Variants in DENND5B observed in about 807,000 individuals in gnomAD.
The protein encoded by DENND5B is DENN domain containing 5B.
In DENND5B, 34 loss-of-function variants were observed where a neutral mutation model predicts 140.6. That is an observed-to-expected ratio of 0.24 (90% CI 0.18 to 0.32). The LOEUF is 0.32. Among genes scored for constraint, DENND5B ranks in the 10% least tolerant of loss-of-function variants. The pLI is 1.00. For synonymous variants in DENND5B, 551 were observed against 562.1 expected, an observed-to-expected ratio of 0.98 and a Z score of 0.28; for missense variants, 1,142 against 1,560.2, an observed-to-expected ratio of 0.73 and a Z score of 4.52.
At chr12:31,409,143 A>G (rs1191890174) in intron 14 of DENND5B, 120 bp downstream of exon 14, 2 of 1,106,950 alleles carry the variant, frequency 1.8e-6, no homozygotes, top group African/African-American at 3.2e-5. Flanking sequence ...TCCTAAACAG[A>G]GACCTGGGCG....
At chr12:31,518,787 T>C (rs1201956124) in intron 1 of DENND5B, among the ~76,000 whole-genome samples, 1 of 152,086 alleles carries the variant, frequency 6.6e-6, no homozygotes. Flanking sequence ...TTTAACCTCA[T>C]CTTGGTAAAC....
intron 1 of DENND5B, among the ~76,000 whole-genome samples, chr12:31,552,226 G>C (rs1438441167): frequency 6.6e-6 from 1 of 152,096 alleles, no homozygotes; most frequent in Non-Finnish European, 1.5e-5. Context: ...TTATTATTTT[G>C]AGATACGTCC....
intron 2 of DENND5B, among the ~76,000 whole-genome samples, chr12:31,484,188 C>T (rs562883323): frequency 4.1e-4 from 62 of 152,178 alleles, no homozygotes; most frequent in Admixed American, 3.6e-3. Context: ...CAAAATGGGT[C>T]GTAAAGCAGT....
At chr12:31,422,216 G>A (rs1049959150) in intron 11 of DENND5B, among the ~76,000 whole-genome samples, 2 of 148,582 alleles carry the variant, frequency 1.3e-5, no homozygotes, top group Non-Finnish European at 3.0e-5. Flanking sequence ...TTAGGAAATC[G>A]AGACCATCCT....
At chr12:31,512,783 T>C (rs1947480130) in intron 1 of DENND5B, among the ~76,000 whole-genome samples, 1 of 152,212 alleles carries the variant, frequency 6.6e-6, no homozygotes, top group South Asian at 2.1e-4. Flanking sequence ...ATTTAATTTT[T>C]AGAATGGTTT....
chr12:31,403,226 AACCACAACT>A (rs1316986569), intron 14 of DENND5B, among the ~76,000 whole-genome samples: 1 of 152,168 alleles, frequency 6.6e-6, no homozygotes, highest in Non-Finnish European at 1.5e-5. Flanking sequence ...GAAGTCTATA[AACCACAACT>A]TTGAAAGCTA....
At chr12:31,411,422 G>A (rs1254152314) in intron 13 of DENND5B, among the ~76,000 whole-genome samples, 1 of 139,372 alleles carries the variant, frequency 7.2e-6, no homozygotes, top group East Asian at 2.2e-4. Flanking sequence ...TCGGCTCACT[G>A]CAACTTCCGC....
chr12:31,411,037 T>C (rs1264968885), intron 13 of DENND5B, among the ~76,000 whole-genome samples: 3 of 141,684 alleles, frequency 2.1e-5, no homozygotes, highest in Non-Finnish European at 3.1e-5. Context: ...TGAGCATAAA[T>C]CACTTTTTTT....
At chr12:31,423,115 AT>A (rs1195671200) in intron 11 of DENND5B, among the ~76,000 whole-genome samples, 1 of 151,692 alleles carries the variant, frequency 6.6e-6, no homozygotes, top group Non-Finnish European at 1.5e-5. Flanking sequence ...TAATTTTTGC[AT>A]TTTTTGTAGA....
At chr12:31,540,946 A>G in intron 1 of DENND5B, 2 of 444,244 alleles carry the variant, frequency 4.5e-6, no homozygotes, top group South Asian at 1.6e-5. Context: ...GAGAACATAC[A>G]ATGGAGAAAG....
rs1001816231 is a variant in DENND5B, at chr12:31,512,327, C to T, written c.128-16408G>A. 4.0e-5 allele frequency among the ~76,000 whole-genome samples: 6 copies of T among 151,852 alleles called. No homozygotes were observed. In the East Asian group the frequency reaches 1.2e-3, roughly 29 times the overall value. ...CTCATGGGCTTGTCAAGCGACCCTC[C>T]CACCTCAGCCTCCAGAGTAGCTGGG... On this transcript the variant is annotated intron_variant, in intron 1 of 20. Transcript: ENST00000389082.
intron 11 of DENND5B, chr12:31,420,169 C>G (rs1186703119): frequency 1.5e-6 from 1 of 659,344 alleles, no homozygotes; most frequent in Non-Finnish European, 1.9e-6. Flanking sequence ...CTCTGTCACC[C>G]AAGCTAGAGT....
intron 1 of DENND5B, among the ~76,000 whole-genome samples, chr12:31,586,547 C>T (rs749644386): frequency 6.6e-6 from 1 of 152,060 alleles, no homozygotes; most frequent in Non-Finnish European, 1.5e-5. Context: ...AAGAGTTCTA[C>T]GTATTTGAGA....
intron 6 of DENND5B, among the ~76,000 whole-genome samples, chr12:31,446,509 G>T (rs933964720): frequency 1.3e-5 from 2 of 152,176 alleles, no homozygotes; most frequent in Middle Eastern, 3.2e-3. Flanking sequence ...CTAAAGCAAA[G>T]ATACTGTTTT....
chr12:31,584,111 G>C (rs898724922), intron 1 of DENND5B, among the ~76,000 whole-genome samples: 1 of 152,130 alleles, frequency 6.6e-6, no homozygotes, highest in Non-Finnish European at 1.5e-5. Flanking sequence ...GAGTATCTGT[G>C]ACCAACAGTG....
chr12:31,413,707 T>C, intron 12 of DENND5B, 143 bp from the exon 13 acceptor site: 1 of 947,234 alleles, frequency 1.1e-6, no homozygotes, highest in Middle Eastern at 2.8e-4. Context: ...GTTGATTAAA[T>C]CTTTGAAGGT....
chr12:31,400,714 C>G (rs143047613), intron 15 of DENND5B, among the ~76,000 whole-genome samples: 1 of 152,032 alleles, frequency 6.6e-6, no homozygotes, highest in South Asian at 2.1e-4. Context: ...GTGTGACAAT[C>G]CAATTATACT....
chr12:31,571,581 CTCTT>C (rs1199075773), intron 1 of DENND5B, among the ~76,000 whole-genome samples: 4 of 151,444 alleles, frequency 2.6e-5, no homozygotes, highest in Admixed American at 2.0e-4. Context: ...TATCCATTCA[CTCTT>C]TCTTTTTTAG....
chr12:31,409,431 A>C (rs756031010), intron 13 of DENND5B, 47 bp from the exon 14 acceptor site: 2 of 1,390,192 alleles, frequency 1.4e-6, no homozygotes, highest in Non-Finnish European at 1.9e-6. Context: ...CAAAGAAAAA[A>C]AAAAAAAACC....
Sources: gnomAD v4.1 joint callset for allele counts (sites outside exome capture counted in the v4.1 genomes callset) on GRCh38, gnomAD v4.1.1 for gene constraint, MANE v1.5 for transcripts, NCBI Gene and HGNC (gene_info 2026-07-23, HGNC 2026-07-21) for gene names.